Variants in KDM4C observed in about 807,000 individuals in gnomAD.
KDM4C encodes lysine-specific demethylase 4C.
KDM4C carries 81 observed loss-of-function variants against 129.3 expected under a neutral mutation model. The observed-to-expected ratio is 0.63, with a 90% CI of 0.52 to 0.75. The LOEUF is 0.75. KDM4C is among the 30% of genes least tolerant of loss of function. The pLI is 0.00. For synonymous variants in KDM4C, 573 were observed against 456.1 expected, an observed-to-expected ratio of 1.26 and a Z score of -3.26; for missense variants, 1,457 against 1,304.0, an observed-to-expected ratio of 1.12 and a Z score of -1.81.
chr9:6,906,551 A>C (rs1049730507), intron 8 of KDM4C, among the ~76,000 whole-genome samples: 37 of 152,066 alleles, frequency 2.4e-4, no homozygotes, highest in Admixed American at 2.2e-3. Context: ...AGGTGCTCCC[A>C]CCTCAGCCTC....
intron 17 of KDM4C, among the ~76,000 whole-genome samples, chr9:7,061,220 G>A (rs990811844): frequency 5.9e-5 from 9 of 152,220 alleles, no homozygotes; most frequent in Non-Finnish European, 1.3e-4. Context: ...GGTAATTGAG[G>A]GTTTATGTTA....
In KDM4C at chr9:7,086,810, A is replaced by G. The variant is rs554194301; in HGVS notation, c.2425-16875A>G. On this transcript the variant is annotated intron_variant, in intron 17 of 21. Coordinates refer to ENST00000381309, the MANE Select transcript of KDM4C (RefSeq NM_015061.6). ...AAGGACAGTTCTTTTCTATATCCCA[A>G]CTCTCAAACATACTTTTTTCTAAAG... 8.5e-4 allele frequency among the ~76,000 whole-genome samples: 129 copies of G among 152,044 alleles called. 1 individual carries two copies. Among genetic ancestry groups the G allele is most frequent in the African/African-American group, 3.0e-3 (124 of 41,464 alleles).
At chr9:7,094,081 C>A (rs1391213237) in intron 17 of KDM4C, among the ~76,000 whole-genome samples, 1 of 152,198 alleles carries the variant, frequency 6.6e-6, no homozygotes. Context: ...GTGCTGTTAC[C>A]ATCTTTACCT....
At chr9:6,784,849 C>T (rs1187949525) in intron 1 of KDM4C, among the ~76,000 whole-genome samples, 1 of 152,190 alleles carries the variant, frequency 6.6e-6, no homozygotes, top group East Asian at 1.9e-4. Context: ...TCTTGTGGTT[C>T]AATAACTGGG....
intron 15 of KDM4C, among the ~76,000 whole-genome samples, chr9:7,026,776 TA>T (rs1825885937): frequency 6.6e-6 from 1 of 152,054 alleles, no homozygotes; most frequent in African/African-American, 2.4e-5. Context: ...CACTGGTTTT[TA>T]TTCTTTCTTC....
intron 4 of KDM4C, among the ~76,000 whole-genome samples, chr9:6,833,514 A>G (rs1193887525): frequency 6.6e-6 from 1 of 152,184 alleles, no homozygotes; most frequent in Non-Finnish European, 1.5e-5. Context: ...TAGAATTTTC[A>G]TTCTCACCCT....
chr9:7,048,104 G>A (rs1406163452), intron 16 of KDM4C, among the ~76,000 whole-genome samples: 2 of 152,086 alleles, frequency 1.3e-5, no homozygotes, highest in African/African-American at 2.4e-5. Context: ...TATACTGAAA[G>A]TCTTCACTAG....
intron 1 of KDM4C, among the ~76,000 whole-genome samples, chr9:6,749,312 C>A (rs1817993160): frequency 6.6e-6 from 1 of 152,126 alleles, no homozygotes; most frequent in Non-Finnish European, 1.5e-5. Flanking sequence ...AGCTACCAAG[C>A]CTGGCCAGGA....
At chr9:6,811,194 C>T (rs1181798240) in intron 3 of KDM4C, among the ~76,000 whole-genome samples, 6 of 152,058 alleles carry the variant, frequency 3.9e-5, no homozygotes, top group Admixed American at 1.3e-4. Flanking sequence ...CGCTCTGTTG[C>T]CCAGGATGGA....
At chr9:6,738,057 C>A (rs903238980) in intron 1 of KDM4C, among the ~76,000 whole-genome samples, 1 of 151,876 alleles carries the variant, frequency 6.6e-6, no homozygotes, top group African/African-American at 2.4e-5. Context: ...TCACTTGAAC[C>A]CGGGAGGCAG....
chr9:6,970,304 C>G (rs149092645), intron 8 of KDM4C, among the ~76,000 whole-genome samples: 404 of 152,238 alleles, frequency 2.7e-3, no homozygotes, highest in African/African-American at 9.2e-3. Context: ...ACATTGAAAA[C>G]TTTTTATACT....
chr9:6,742,256 C>T lies in KDM4C; in HGVS notation c.49+21259C>T, dbSNP rs555811469. ...GTCTCGAACTCCTGACCTCGTCATC[C>T]GCCCGCCTTGGCCCCCCAGAGTGCT... On this transcript the variant is annotated intron_variant, in intron 1 of 17. Transcript: ENST00000536108. Among the ~76,000 whole-genome samples, 6 of 150,914 alleles carry T rather than the reference C, an allele frequency of 4.0e-5. No individual in the cohort carries two copies. In the South Asian group the frequency reaches 1.0e-3, roughly 26 times the overall value.
intron 8 of KDM4C, among the ~76,000 whole-genome samples, chr9:6,970,616 T>C (rs1831799984): frequency 3.3e-5 from 5 of 152,208 alleles, no homozygotes; most frequent in Admixed American, 3.3e-4. Flanking sequence ...GCTTGTAATT[T>C]AGTCTTGGGC....
rs767903203 is a variant in KDM4C, at chr9:7,046,849, C to A, written c.2260-13C>A. ...GGGTCTGGTCATCATGTGGTATTTTCTTTTCCCCCCAGGAATGCTGTCTCT... is the reference window on the plus strand; with the variant it reads ...GGGTCTGGTCATCATGTGGTATTTTATTTTCCCCCCAGGAATGCTGTCTCT... On this transcript the variant is annotated splice_polypyrimidine_tract_variant and intron_variant, in intron 15 of 21. Transcript: ENST00000381309. The A allele has an allele frequency of 6.3e-7, 1 of 1,598,378 alleles. No individual in the cohort carries two copies. Among genetic ancestry groups the A allele is most frequent in the East Asian group, 2.2e-5 (1 of 44,736 alleles).
At chr9:6,965,803 T>G (rs538121429) in intron 8 of KDM4C, among the ~76,000 whole-genome samples, 1 of 152,336 alleles carries the variant, frequency 6.6e-6, no homozygotes, top group Admixed American at 6.5e-5. Flanking sequence ...TTACTCACTC[T>G]ACTGATTCAC....
chr9:6,960,350 G>T (rs1030393595), intron 8 of KDM4C, among the ~76,000 whole-genome samples: 1 of 148,226 alleles, frequency 6.7e-6, no homozygotes. Context: ...CATAATCATA[G>T]CTCACTGCAG....
chr9:7,030,867 A>G (rs1826606592), intron 15 of KDM4C, among the ~76,000 whole-genome samples: 1 of 152,082 alleles, frequency 6.6e-6, no homozygotes, highest in South Asian at 2.1e-4. Flanking sequence ...TGTAATGAAA[A>G]ATGTAAGAGC....
chr9:6,793,869 A>T (rs1178524361), intron 2 of KDM4C, among the ~76,000 whole-genome samples: 1 of 152,006 alleles, frequency 6.6e-6, no homozygotes, highest in Admixed American at 6.6e-5. Flanking sequence ...ACACTTATTG[A>T]TATATTTTAT....
intron 7 of KDM4C, among the ~76,000 whole-genome samples, chr9:6,890,358 T>C (rs1845941233): frequency 6.6e-6 from 1 of 152,254 alleles, no homozygotes; most frequent in African/African-American, 2.4e-5. Context: ...ATAGTATATG[T>C]TGCATAGTAA....
Sources: allele counts gnomAD v4.1 joint callset (sites outside exome capture counted in the v4.1 genomes callset), GRCh38; gene constraint gnomAD v4.1.1; transcripts MANE v1.5; gene names NCBI Gene and HGNC (gene_info 2026-07-23, HGNC 2026-07-21).